Variants in GPR158 observed in about 807,000 individuals in gnomAD.
GPR158 encodes metabotropic glycine receptor.
In GPR158, 30 loss-of-function variants were observed where a neutral mutation model predicts 78.2. That is an observed-to-expected ratio of 0.38 (90% CI 0.29 to 0.52). The LOEUF (loss-of-function observed/expected upper bound fraction) is 0.52. Among genes scored for constraint, GPR158 ranks in the 20% least tolerant of loss-of-function variants. The probability of loss-of-function intolerance (pLI) is 0.83; values close to 1 mark genes in which losing one functional copy is unlikely to be tolerated. For synonymous variants in GPR158, 581 were observed against 591.1 expected, an observed-to-expected ratio of 0.98 and a Z score of 0.25; for missense variants, 1,463 against 1,523.5, an observed-to-expected ratio of 0.96 and a Z score of 0.66.
chr10:25,512,224 G>A lies in GPR158; in HGVS notation c.1405-38752G>A, dbSNP rs112376147. On this transcript the variant is annotated intron_variant, in intron 5 of 10. Transcript: ENST00000376351. ...ATAATTTTTTTCATCAGTGTTTTGT[G>A]GTTTTCCTTGTAGAGGTCTTTTACC... 8.9e-3 allele frequency among the ~76,000 whole-genome samples: 1,358 copies of A among 151,942 alleles called. 23 individuals are homozygous for A. Among genetic ancestry groups the A allele is most frequent in the African/African-American group, 0.031 (1,289 of 41,452 alleles).
At chr10:25,200,868 G>GTTTTTTTTTTTTTTTTTTTTTTTTTT (rs56696555) in intron 1 of GPR158, among the ~76,000 whole-genome samples, 1 of 113,304 alleles carries the variant, frequency 8.8e-6, no homozygotes, top group Non-Finnish European at 1.9e-5. Context: ...TTTTTGTTTT[G>GTTTTTTTTTTTTTTTTTTTTTTTTTT]TTTTTTTTTT....
chr10:25,476,363 C>T (rs540999947), intron 5 of GPR158, among the ~76,000 whole-genome samples: 2 of 148,710 alleles, frequency 1.3e-5, no homozygotes, highest in African/African-American at 4.9e-5. Context: ...TTGACTAAAC[C>T]GTCAGTTTCA....
chr10:25,387,554 C>T (rs1286351222), intron 2 of GPR158, among the ~76,000 whole-genome samples: 10 of 145,586 alleles, frequency 6.9e-5, no homozygotes, highest in Non-Finnish European at 1.3e-4. Flanking sequence ...GTTGCTCTGT[C>T]ACCCAGGCTG....
chr10:25,532,157 A>C (rs986953236), intron 5 of GPR158, among the ~76,000 whole-genome samples: 1 of 152,290 alleles, frequency 6.6e-6, no homozygotes, highest in East Asian at 1.9e-4. Context: ...TCTTTAACCA[A>C]GTTGAGAAGG....
intron 2 of GPR158, among the ~76,000 whole-genome samples, chr10:25,371,218 T>C (rs1305098112): frequency 6.6e-6 from 1 of 151,092 alleles, no homozygotes; most frequent in East Asian, 1.9e-4. Flanking sequence ...ATTATGATGT[T>C]AGCTGGTTAT....
At chr10:25,422,353 T>C (rs897232690) in intron 4 of GPR158, among the ~76,000 whole-genome samples, 7 of 152,128 alleles carry the variant, frequency 4.6e-5, no homozygotes, top group African/African-American at 1.7e-4. Flanking sequence ...TGGTATTAGA[T>C]TCTCATAGGG....
intron 5 of GPR158, among the ~76,000 whole-genome samples, chr10:25,532,796 C>A (rs1836443859): frequency 6.6e-6 from 1 of 151,804 alleles, no homozygotes; most frequent in East Asian, 1.9e-4. Context: ...CCTTTTGCCC[C>A]TTGCGTTCTC....
intron 2 of GPR158, among the ~76,000 whole-genome samples, chr10:25,362,891 T>A (rs1855661625): frequency 2.0e-5 from 3 of 151,926 alleles, no homozygotes; most frequent in African/African-American, 4.8e-5. Context: ...ATATATTTTT[T>A]AATATTAATA....
chr10:25,344,225 T>C (rs1855341207), intron 2 of GPR158, among the ~76,000 whole-genome samples: 1 of 152,130 alleles, frequency 6.6e-6, no homozygotes, highest in South Asian at 2.1e-4. Flanking sequence ...TTATTTCGCG[T>C]TGGGGCTAAA....
chr10:25,200,339 T>G (rs1852904535), intron 1 of GPR158, among the ~76,000 whole-genome samples: 1 of 152,206 alleles, frequency 6.6e-6, no homozygotes, highest in African/African-American at 2.4e-5. Flanking sequence ...GTTCGTGTCC[T>G]TTGGCCACTT....
intron 4 of GPR158, among the ~76,000 whole-genome samples, chr10:25,444,658 G>C (rs138273850): frequency 2.8e-4 from 42 of 151,884 alleles, no homozygotes; most frequent in African/African-American, 9.9e-4. Context: ...GGAGGGGTGT[G>C]TGTGTGTGTA....
intron 2 of GPR158, among the ~76,000 whole-genome samples, chr10:25,394,636 A>G (rs901755098): frequency 6.6e-6 from 1 of 152,202 alleles, no homozygotes; most frequent in Non-Finnish European, 1.5e-5. Context: ...ATTGCAGCAT[A>G]TAAATTGGAT....
chr10:25,524,944 C>A (rs1405446029), intron 5 of GPR158, among the ~76,000 whole-genome samples: 1 of 152,114 alleles, frequency 6.6e-6, no homozygotes, highest in East Asian at 1.9e-4. Context: ...ATTCACCCAA[C>A]TAAATAGACA....
intron 4 of GPR158, among the ~76,000 whole-genome samples, chr10:25,433,580 C>CGT (rs148919557): frequency 3.7e-5 from 5 of 133,690 alleles, no homozygotes; most frequent in African/African-American, 1.1e-4. Context: ...TGCGCGCGCG[C>CGT]GTGCGCGTGC....
intron 2 of GPR158, among the ~76,000 whole-genome samples, chr10:25,325,954 T>C (rs139904703): frequency 2.6e-5 from 4 of 152,222 alleles, no homozygotes; most frequent in African/African-American, 9.6e-5. Flanking sequence ...CATTTTCTTT[T>C]CTTCAACTTT....
chr10:25,548,601 A>T (rs1836693797), intron 5 of GPR158, among the ~76,000 whole-genome samples: 1 of 152,140 alleles, frequency 6.6e-6, no homozygotes. Flanking sequence ...ACGCAATATT[A>T]AATAAACTGT....
intron 2 of GPR158, among the ~76,000 whole-genome samples, chr10:25,371,920 A>G (rs541349434): frequency 1.4e-3 from 194 of 143,272 alleles, no homozygotes; most frequent in African/African-American, 4.8e-3. Flanking sequence ...TGAACAGGCA[A>G]CCTACTAAAT....
intron 2 of GPR158, among the ~76,000 whole-genome samples, chr10:25,316,653 G>A (rs1020833489): frequency 6.6e-6 from 1 of 152,116 alleles, no homozygotes; most frequent in African/African-American, 2.4e-5. Context: ...ATGAGATATA[G>A]TGCTATCTAA....
chr10:25,565,246 C>T (rs1268145713), intron 6 of GPR158, among the ~76,000 whole-genome samples: 1 of 152,182 alleles, frequency 6.6e-6, no homozygotes, highest in Non-Finnish European at 1.5e-5. Context: ...AGAAAATAAA[C>T]ATCTCCCAAC....
Sources: gnomAD v4.1 joint callset for allele counts (sites outside exome capture counted in the v4.1 genomes callset) on GRCh38, gnomAD v4.1.1 for gene constraint, MANE v1.5 for transcripts, NCBI Gene and HGNC (gene_info 2026-07-23, HGNC 2026-07-21) for gene names.